The following SLC2A9 variants were observed in gnomAD, a reference collection of about 807,000 sequenced individuals.
SLC2A9 encodes the protein solute carrier family 2, facilitated glucose transporter member 9.
A neutral mutation model predicts 50.6 loss-of-function variants in SLC2A9; 39 were observed. That is an observed-to-expected ratio of 0.77 (90% CI 0.60 to 1.01). The LOEUF (loss-of-function observed/expected upper bound fraction) is 1.01, where lower values mean the gene tolerates loss of function less well. SLC2A9 is among the 50% of genes least tolerant of loss of function. SLC2A9 has a pLI of 0.00. For missense variants in SLC2A9, 686 were observed against 677.6 expected (o/e 1.01, Z -0.14); for synonymous variants, 324 against 276.9 (o/e 1.17, Z -1.69).
intron 8 of SLC2A9, 120 bp downstream of exon 8, chr4:9,908,115 A>C: frequency 1.3e-6 from 1 of 770,416 alleles, no homozygotes; most frequent in South Asian, 1.4e-5. Flanking sequence ...AGGAAACCAC[A>C]TTGTCCTAAT....
intron 10 of SLC2A9, among the ~76,000 whole-genome samples, chr4:9,881,926 T>C (rs1181560643): frequency 2.6e-5 from 4 of 152,214 alleles, no homozygotes; most frequent in Non-Finnish European, 5.9e-5. Flanking sequence ...GTCATTCCCA[T>C]GTTGTGTTCC....
chr4:9,950,709 C>T (rs7666787), intron 5 of SLC2A9, among the ~76,000 whole-genome samples: 25,038 of 50,826 alleles, frequency 0.49, 9,376 homozygotes, highest in East Asian at 0.65. Flanking sequence ...CTGGCTAACA[C>T]GGTGAAACCC....
chr4:9,814,856 A>T (rs1723360995), intron 3 of SLC2A9, among the ~76,000 whole-genome samples: 1 of 152,144 alleles, frequency 6.6e-6, no homozygotes, highest in Admixed American at 6.5e-5. Flanking sequence ...GATTACACGT[A>T]GGCATGTACT....
upstream of SLC2A9, chr4:10,021,557 G>A (rs1763507294): frequency 2.1e-6 from 3 of 1,431,906 alleles, no homozygotes; most frequent in Non-Finnish European, 2.9e-6. Flanking sequence ...GTGGCAATTT[G>A]ATCATGCCTG....
rs545737190 is a variant in SLC2A9, at chr4:9,773,937, G to A, written n.182-2568C>T. 5.3e-4 allele frequency among the ~76,000 whole-genome samples: 81 copies of A among 151,954 alleles called. 1 individual carries two copies. The South Asian group carries it at 7.1e-3, about 13-fold the overall frequency. On this transcript the variant is annotated intron_variant and non_coding_transcript_variant, in intron 1 of 1. Coordinates refer to the SLC2A9 transcript ENST00000508585. ...CATTATATTATATTTTGCATCATAAGGTCTTATTGATACACAGAACACTCT... is the reference window on the plus strand; with the variant it reads ...CATTATATTATATTTTGCATCATAAAGTCTTATTGATACACAGAACACTCT...
At chr4:9,982,727 T>C (rs1241569595) in intron 4 of SLC2A9, among the ~76,000 whole-genome samples, 1 of 152,172 alleles carries the variant, frequency 6.6e-6, no homozygotes, top group Non-Finnish European at 1.5e-5. Context: ...GAAACCCAAA[T>C]CCTAGATCTG....
At position 9,872,496 on chromosome 4, in the gene SLC2A9, T is replaced by C. The variant is rs999296459; in HGVS notation, c.1291+15071A>G. Among the ~76,000 whole-genome samples, 6 of 152,254 alleles carry C rather than the reference T, an allele frequency of 3.9e-5. No homozygotes were observed. In the East Asian group the frequency reaches 1.2e-3, roughly 29 times the overall value. ...AACCTTTGCTATCCAGACTCCTGTT[T>C]TCCAAACGCTTGAATGAATAAATTC... On this transcript the variant is annotated intron_variant, in intron 10 of 11. Coordinates refer to ENST00000264784, the MANE Select transcript of SLC2A9 (RefSeq NM_020041.3).
Position 9,911,681 on chromosome 4 carries a change from C to A in SLC2A9, c.1003-3336G>T, listed in dbSNP as rs1428197106. 6.6e-5 allele frequency among the ~76,000 whole-genome samples: 10 copies of A among 152,218 alleles called. No homozygotes were observed. In the East Asian group the frequency reaches 1.9e-3, roughly 29 times the overall value. On this transcript the variant is annotated intron_variant, in intron 7 of 11. Transcript: ENST00000264784. ...GCGTGACCGCAGGCAAGCGATTTTG[C>A]ATCTCGGAATCTCTGTTCTCCAAAG...
intron 5 of SLC2A9, among the ~76,000 whole-genome samples, chr4:9,978,294 G>T (rs1755138224): frequency 6.6e-6 from 1 of 152,182 alleles, no homozygotes; most frequent in Admixed American, 6.5e-5. Context: ...AACAAATGTG[G>T]TGAATGAATA....
chr4:9,911,265 C>T (rs148346852), intron 7 of SLC2A9, among the ~76,000 whole-genome samples: 103 of 152,222 alleles, frequency 6.8e-4, no homozygotes, highest in African/African-American at 2.3e-3. Context: ...GGGGTCCTGC[C>T]GGGCTGGCCC....
chr4:9,996,486 G>A (rs1256298398), intron 3 of SLC2A9, among the ~76,000 whole-genome samples: 1 of 152,206 alleles, frequency 6.6e-6, no homozygotes, highest in East Asian at 1.9e-4. Flanking sequence ...GATGGAGGGT[G>A]GGAGGAGGGA....
chr4:9,781,169 C>T (rs1718304614), intron 3 of SLC2A9, among the ~76,000 whole-genome samples: 1 of 152,082 alleles, frequency 6.6e-6, no homozygotes, highest in African/African-American at 2.4e-5. Context: ...TGACACTGTC[C>T]CAGGAGTAGG....
At chr4:9,870,636 A>G (rs1733270312) in intron 10 of SLC2A9, among the ~76,000 whole-genome samples, 1 of 152,214 alleles carries the variant, frequency 6.6e-6, no homozygotes, top group Non-Finnish European at 1.5e-5. Flanking sequence ...TAAGCTCACT[A>G]ATTAACTCTG....
At chr4:10,038,566 G>A (rs1297009523) in intron 1 of SLC2A9, among the ~76,000 whole-genome samples, 1 of 150,800 alleles carries the variant, frequency 6.6e-6, no homozygotes, top group Admixed American at 6.6e-5. Context: ...GCCAGGCCAC[G>A]GAACAAAGTG....
intron 3 of SLC2A9, among the ~76,000 whole-genome samples, chr4:9,817,208 T>G (rs1033220683): frequency 6.6e-6 from 1 of 152,222 alleles, no homozygotes; most frequent in African/African-American, 2.4e-5. Flanking sequence ...AAACTCAAGA[T>G]CCTTACTTTA....
chr4:10,035,181 G>C (rs938053829), intron 1 of SLC2A9: 2 of 152,252 alleles, frequency 1.3e-5, no homozygotes, highest in African/African-American at 4.8e-5. Flanking sequence ...CAGTTGACCA[G>C]CTAAGCTGCA....
intron 5 of SLC2A9, among the ~76,000 whole-genome samples, chr4:9,977,509 G>C (rs192144489): frequency 3.3e-5 from 5 of 151,598 alleles, no homozygotes; most frequent in African/African-American, 1.2e-4. Flanking sequence ...CCTCTCTGCT[G>C]CCTGCCTTGC....
chr4:9,891,030 C>T (rs1318844750), intron 8 of SLC2A9, among the ~76,000 whole-genome samples: 6 of 152,240 alleles, frequency 3.9e-5, no homozygotes, highest in Non-Finnish European at 5.9e-5. Flanking sequence ...GTCACCACAG[C>T]CCTTCTCCTC....
intron 1 of SLC2A9, among the ~76,000 whole-genome samples, chr4:10,029,805 T>C (rs529909361): frequency 6.6e-6 from 1 of 151,954 alleles, no homozygotes; most frequent in East Asian, 1.9e-4. Flanking sequence ...GTTTTTGTTT[T>C]TGTTTTTTTT....
Sources: gnomAD v4.1 joint callset for allele counts (sites outside exome capture counted in the v4.1 genomes callset) on GRCh38, gnomAD v4.1.1 for gene constraint, MANE v1.5 for transcripts, NCBI Gene and HGNC (gene_info 2026-07-23, HGNC 2026-07-21) for gene names.